Variants in ST6GALNAC2 observed in about 807,000 individuals in gnomAD.
ST6GALNAC2 encodes the protein alpha-N-acetylgalactosaminide alpha-2,6-sialyltransferase 2.
Under a neutral mutation model 38.7 loss-of-function variants are expected in ST6GALNAC2, and 42 were observed. That is an observed-to-expected ratio of 1.09 (90% confidence interval 0.85 to 1.40). ST6GALNAC2 has a LOEUF of 1.40. Ranked by LOEUF, ST6GALNAC2 falls within the 40% of genes most tolerant of loss-of-function variation. The pLI, the probability that ST6GALNAC2 is intolerant of heterozygous loss-of-function variation, is 0.00. For missense variants in ST6GALNAC2, 506 were observed against 481.7 expected (o/e 1.05, Z -0.47); for synonymous variants, 233 against 209.0 (o/e 1.11, Z -0.99).
Position 76,572,742 on chromosome 17 carries a change from G to C in ST6GALNAC2, c.564C>G (p.Arg188=). 1 of 1,614,174 alleles carries C rather than the reference G, an allele frequency of 6.2e-7. No homozygotes were observed. Among genetic ancestry groups the C allele is most frequent in the Non-Finnish European group, 8.5e-7 (1 of 1,180,020 alleles). The change falls in exon 5 of 9, where the codon CGC becomes CGG. Residue 188 remains arginine, a synonymous_variant. Coordinates refer to ENST00000225276, the MANE Select transcript of ST6GALNAC2 (RefSeq NM_006456.3). ...AGAAGGAAGTCTTGGTGCCCACATC[G>C]CGCTCGAAGCCTTTGATCACAGCTC... ...LNGAVIKGFE[R]DVGTKTSFYG... is the part of the protein sequence containing the mutation.
intron 6 of ST6GALNAC2, chr17:76,569,003 C>A (rs975576998): frequency 2.2e-6 from 1 of 460,808 alleles, no homozygotes; most frequent in Non-Finnish European, 3.8e-6. Flanking sequence ...AGGACCTCCA[C>A]GGGCGGGGTG....
chr17:76,575,598 T>C (rs1040056793), intron 2 of ST6GALNAC2, among the ~76,000 whole-genome samples: 1 of 152,216 alleles, frequency 6.6e-6, no homozygotes, highest in African/African-American at 2.4e-5. Context: ...GATTCTGGGC[T>C]TCTGGGCTCC....
In ST6GALNAC2 at chr17:76,580,166, A is replaced by T. The variant is rs191637419; in HGVS notation, c.126-1350T>A. Reference sequence around the variant, plus strand: ...CCAGGCACGGTGGCTCATGCCTGTAATCCCAGTACTTTGGGAGACCGAGGT... The same window carrying T: ...CCAGGCACGGTGGCTCATGCCTGTATTCCCAGTACTTTGGGAGACCGAGGT... On this transcript the variant is annotated intron_variant, in intron 1 of 8. Transcript: ENST00000225276. Among the ~76,000 whole-genome samples the T allele has an allele frequency of 4.1e-4, 62 of 152,332 alleles. 1 individual carries two copies. In the East Asian group the frequency reaches 7.9e-3, roughly 19 times the overall value.
At chr17:76,569,615 G>C in intron 6 of ST6GALNAC2, 3 of 398,514 alleles carry the variant, frequency 7.5e-6, no homozygotes, top group Non-Finnish European at 1.3e-5. Context: ...GACTGGGTAG[G>C]GGATGGATTA....
rs1440956450 is a variant in ST6GALNAC2 at position 76,574,450 on chromosome 17, C to T, written c.276G>A (p.Leu92=). 5 of 1,613,968 alleles carry T rather than the reference C, an allele frequency of 3.1e-6. No homozygotes were observed. Among genetic ancestry groups the T allele is most frequent in the East Asian group, 4.5e-5 (2 of 44,862 alleles). The change falls in exon 3 of 9, where the codon CTG becomes CTA. Residue 92 remains leucine (L), a synonymous_variant. Transcript: ENST00000225276. Reference sequence around the variant, plus strand: ...GCGCTGGGGTGAAGAGGTCCCCCCACAGCAGCACTGGAATGGAGAGATTGA... The same window carrying T: ...GCGCTGGGGTGAAGAGGTCCCCCCATAGCAGCACTGGAATGGAGAGATTGA... ...GLFNLSIPVL[L]WGDLFTPALW...
intron 1 of ST6GALNAC2, among the ~76,000 whole-genome samples, chr17:76,583,709 T>TG (rs1459141531): frequency 6.6e-6 from 1 of 151,516 alleles, no homozygotes; most frequent in Non-Finnish European, 1.5e-5. Flanking sequence ...GGACGTCACA[T>TG]GCAGAGTGGG....
chr17:76,576,952 A>G (rs1257071413), intron 2 of ST6GALNAC2, among the ~76,000 whole-genome samples: 1 of 150,360 alleles, frequency 6.7e-6, no homozygotes, highest in Non-Finnish European at 1.5e-5. Context: ...CCTGGGCAAC[A>G]AGAGCGAAAC....
rs1331234432 is a variant in ST6GALNAC2, at chr17:76,566,106, A to C, written c.1123T>G (p.Ter375GlyextTer25). 4 of 1,613,700 alleles carry C rather than the reference A, an allele frequency of 2.5e-6. No individual in the cohort carries two copies. The highest frequency in any genetic ancestry group is 3.4e-6 in the Non-Finnish European group (4 of 1,179,800). The stretch of plus-strand genomic sequence containing the variant: ...GCAAAGGGCTCAGTGCATTGGGGTC[A>C]GCGCTGGTACAGCTGAAGGATGCCG... ...KAGILQLYQR[*>G] Residue 375 changes from the stop codon to glycine, a stop_lost, in exon 9 of 9, where the codon TGA (stop) becomes GGA (glycine). Transcript: ENST00000225276.
At chr17:76,569,261 T>A in intron 6 of ST6GALNAC2, 1 of 305,736 alleles carries the variant, frequency 3.3e-6, no homozygotes, top group Non-Finnish European at 5.6e-6. Flanking sequence ...TAGGACGGGA[T>A]GTTCTGAATT....
intron 5 of ST6GALNAC2, among the ~76,000 whole-genome samples, chr17:76,571,614 AG>A (rs1385228736): frequency 6.6e-6 from 1 of 152,188 alleles, no homozygotes; most frequent in Non-Finnish European, 1.5e-5. Context: ...AAAAGTCTAA[AG>A]CTGCTCTATT....
intron 7 of ST6GALNAC2, chr17:76,567,789 A>C (rs1598242383): frequency 4.4e-6 from 2 of 450,808 alleles, no homozygotes; most frequent in South Asian, 4.9e-5. Flanking sequence ...GCTTGTTTTC[A>C]CCCCAAGCTA....
intron 1 of ST6GALNAC2, among the ~76,000 whole-genome samples, chr17:76,584,715 G>A (rs1330142338): frequency 6.6e-6 from 1 of 152,166 alleles, no homozygotes; most frequent in Non-Finnish European, 1.5e-5. Context: ...TGCAACTTTT[G>A]GTGTATCCTT....
At chr17:76,567,587 T>G in intron 7 of ST6GALNAC2, 35 bp from the exon 8 acceptor site, 1 of 1,392,260 alleles carries the variant, frequency 7.2e-7, no homozygotes, top group Non-Finnish European at 1.0e-6. Flanking sequence ...GCTCACTAGC[T>G]TGATGGCTAT....
In ST6GALNAC2 at chr17:76,574,385, C is replaced by T; in HGVS notation, c.341G>A (p.Trp114Ter). 1.2e-6 allele frequency: 2 copies of T among 1,613,016 alleles called. No individual in the cohort carries two copies. The highest frequency in any genetic ancestry group is 1.7e-6 in the Non-Finnish European group (2 of 1,179,424). Residue 114 changes from tryptophan to a stop codon, truncating the protein, a stop_gained, in exon 3 of 9, where the codon TGG becomes TAG. Transcript: ENST00000225276. LOFTEE classifies it high-confidence loss of function. ...GTTACCTTGGTGAGAGAGCCCCCGC[C>T]AGCCATACGGGGCTTTGTGTTGGCT... ...RLSQHKAPYG[W>*]RGLSHQVIAS...
chr17:76,583,659 T>TGG (rs1402427645), intron 1 of ST6GALNAC2, among the ~76,000 whole-genome samples: 1 of 150,826 alleles, frequency 6.6e-6, no homozygotes. Flanking sequence ...CCATAGGCAG[T>TGG]GGTCCAGGGC....
chr17:76,573,226 G>T lies in ST6GALNAC2; in HGVS notation c.499C>A (p.Pro167Thr). The change falls in exon 4 of 9, where the codon CCC becomes ACC. Residue 167 changes from proline to threonine, a missense_variant. By Grantham distance (38) the Pro-to-Thr change is conservative. Transcript: ENST00000225276. The surrounding 1 kb of genome is among the most constrained non-coding windows in gnomAD (Gnocchi z 5.1). The stretch of plus-strand genomic sequence containing the variant: ...ACATAGTCATGGGCATCGATGTTGG[G>T]ACCCTGGCGGGACCCATTCAGAATG... ...GGILNGSRQG[P>T]NIDAHDYVFR... The T allele has an allele frequency of 6.2e-7, 1 of 1,613,416 alleles. No individual in the cohort carries two copies. The highest frequency in any genetic ancestry group is 1.1e-5 in the South Asian group (1 of 90,972).
Position 76,565,379 on chromosome 17 carries a change from T to TG in ST6GALNAC2, c.*724dup, listed in dbSNP as rs2075265148. ...GTTCAAATTTACTGACGCCATGATATGAGGATGAAGGTTTATTACCTGGTG... is the reference window on the plus strand; with the variant it reads ...GTTCAAATTTACTGACGCCATGATATGGAGGATGAAGGTTTATTACCTGGTG... On this transcript the variant is annotated 3_prime_UTR_variant, in exon 9 of 9. Transcript: ENST00000225276. 6.6e-6 allele frequency: 1 copy of TG among 152,158 alleles called. No homozygotes were observed. Among genetic ancestry groups the TG allele is most frequent in the African/African-American group, 2.4e-5 (1 of 41,442 alleles). 9.4% of individuals were successfully genotyped at this position (152,158 alleles called of 1,614,324 possible). A position where few individuals can be genotyped will look rare whatever the true frequency, so the allele number is the denominator to read the frequency against.
At chr17:76,581,897 C>T (rs775465115) in intron 1 of ST6GALNAC2, among the ~76,000 whole-genome samples, 1 of 152,018 alleles carries the variant, frequency 6.6e-6, no homozygotes, top group Non-Finnish European at 1.5e-5. Flanking sequence ...GATGGAGTCT[C>T]GCTCTGTCAC....
chr17:76,567,447 T>A lies in ST6GALNAC2; in HGVS notation c.957+6A>T. On this transcript the variant is annotated splice_donor_region_variant and intron_variant, in intron 8 of 8. Coordinates refer to ENST00000225276, the MANE Select transcript of ST6GALNAC2 (RefSeq NM_006456.3). ...GCATGGGCTTCTGGAAGAGAAGGCC[T>A]CTTACCTGGTCACAGGTATGCAAAG... The A allele has an allele frequency of 6.2e-7, 1 of 1,607,268 alleles. No homozygotes were observed. The highest frequency in any genetic ancestry group is 8.5e-7 in the Non-Finnish European group (1 of 1,173,978).
Sources: allele counts gnomAD v4.1 joint callset (sites outside exome capture counted in the v4.1 genomes callset), GRCh38; gene constraint gnomAD v4.1.1; non-coding constraint Gnocchi (gnomAD v3.1); transcripts MANE v1.5; gene names NCBI Gene and HGNC (gene_info 2026-07-23, HGNC 2026-07-21).